Variants in MAP4 observed in about 807,000 individuals in gnomAD.
MAP4 encodes microtubule-associated protein 4.
Under a neutral mutation model 170.2 loss-of-function variants are expected in MAP4, and 76 were observed. The ratio of observed to expected loss-of-function variants is 0.45; its 90% CI spans 0.37 to 0.54. The LOEUF is 0.54. Among genes scored for constraint, MAP4 ranks in the 20% least tolerant of loss-of-function variants. The probability of loss-of-function intolerance (pLI) is 0.00; values close to 1 mark genes in which losing one functional copy is unlikely to be tolerated. For synonymous variants in MAP4, 909 were observed against 994.5 expected, an observed-to-expected ratio of 0.91 and a Z score of 1.62; for missense variants, 2,506 against 2,748.0, an observed-to-expected ratio of 0.91 and a Z score of 1.97.
At chr3:47,923,371 A>G (rs1191145438) in intron 4 of MAP4, among the ~76,000 whole-genome samples, 1 of 151,314 alleles carries the variant, frequency 6.6e-6, no homozygotes, top group African/African-American at 2.4e-5. Flanking sequence ...TGCATCGGGA[A>G]GTGTGAACAA....
intron 1 of MAP4, among the ~76,000 whole-genome samples, chr3:48,076,723 AAAAC>A (rs762009488): frequency 6.6e-5 from 10 of 152,174 alleles, no homozygotes; most frequent in Non-Finnish European, 1.0e-4. Context: ...ACGAATGAAA[AAAAC>A]AAACAAAAGA....
At chr3:47,875,240 T>C (rs1399539689) in intron 12 of MAP4, among the ~76,000 whole-genome samples, 3 of 152,104 alleles carry the variant, frequency 2.0e-5, no homozygotes, top group Admixed American at 6.5e-5. Flanking sequence ...AGAATTACAT[T>C]TGATGTGGGA....
At chr3:48,005,165 G>C (rs1450101843) in intron 1 of MAP4, among the ~76,000 whole-genome samples, 1 of 152,128 alleles carries the variant, frequency 6.6e-6, no homozygotes, top group African/African-American at 2.4e-5. Flanking sequence ...TTCAAGACCA[G>C]TCTGGCCAAC....
chr3:47,930,183 C>A (rs963098908), intron 3 of MAP4, among the ~76,000 whole-genome samples: 1 of 151,146 alleles, frequency 6.6e-6, no homozygotes, highest in Non-Finnish European at 1.5e-5. Flanking sequence ...CGGTGGCTCA[C>A]GCCTGTAATC....
At chr3:47,897,536 C>T (rs2100027566) in intron 10 of MAP4, among the ~76,000 whole-genome samples, 1 of 152,112 alleles carries the variant, frequency 6.6e-6, no homozygotes, top group African/African-American at 2.4e-5. Context: ...AGTATGCATA[C>T]ACATGTGTGT....
intron 10 of MAP4, among the ~76,000 whole-genome samples, chr3:47,887,690 G>T (rs2097845267): frequency 6.6e-6 from 1 of 152,242 alleles, no homozygotes; most frequent in African/African-American, 2.4e-5. Flanking sequence ...GTGGGGACGT[G>T]GAGAGTCTTT....
chr3:47,916,923 G>A lies in MAP4; in HGVS notation c.904C>T (p.Leu302=), dbSNP rs775761236. Residue 302 remains leucine, a synonymous_variant, in exon 7 of 21, where the codon CTA becomes TTA. Coordinates refer to ENST00000683076, the MANE Select transcript of MAP4 (RefSeq NM_001385682.1). ...MQPSMESDMA[L]VKDMELPTEK... ...GTGGGTAGTTCCATGTCCTTGACTA[G>A]GGCCATATCTGATTCCATGGATGGC... The A allele has an allele frequency of 6.2e-7, 1 of 1,614,200 alleles. No homozygotes were observed. The highest frequency in any genetic ancestry group is 8.5e-7 in the Non-Finnish European group (1 of 1,180,040).
At chr3:48,033,951 C>T (rs1259973789) in intron 1 of MAP4, among the ~76,000 whole-genome samples, 2 of 152,164 alleles carry the variant, frequency 1.3e-5, no homozygotes, top group Non-Finnish European at 2.9e-5. Context: ...ATGAGCTACT[C>T]AATTTTCAGT....
intron 1 of MAP4, among the ~76,000 whole-genome samples, chr3:48,022,373 C>G (rs2100110992): frequency 6.6e-6 from 1 of 152,006 alleles, no homozygotes; most frequent in Admixed American, 6.6e-5. Context: ...TTGAATACAG[C>G]CTCGGCAAGG....
chr3:47,897,949 G>C (rs1328018255), intron 10 of MAP4, among the ~76,000 whole-genome samples: 1 of 144,168 alleles, frequency 6.9e-6, no homozygotes, highest in Admixed American at 6.7e-5. Context: ...ATCGGGGGGG[G>C]GAAAAAAAAA....
chr3:48,056,874 A>T (rs1338650352), intron 1 of MAP4, among the ~76,000 whole-genome samples: 15 of 64,506 alleles, frequency 2.3e-4, no homozygotes, highest in African/African-American at 1.0e-3. Flanking sequence ...CCGGCCAGCC[A>T]CCCCGTCCGG....
chr3:47,942,241 T>C (rs1011403084), intron 3 of MAP4, among the ~76,000 whole-genome samples: 1 of 152,150 alleles, frequency 6.6e-6, no homozygotes, highest in African/African-American at 2.4e-5. Context: ...AACTTAATCA[T>C]AAAGACGTTA....
chr3:48,025,942 T>TAATAAC (rs1553727368), intron 1 of MAP4, among the ~76,000 whole-genome samples: 4 of 144,458 alleles, frequency 2.8e-5, no homozygotes, highest in African/African-American at 1.0e-4. Flanking sequence ...ATAATAACAA[T>TAATAAC]AATAATAATA....
At chr3:48,070,282 G>A (rs753735261) in intron 1 of MAP4, among the ~76,000 whole-genome samples, 1 of 151,310 alleles carries the variant, frequency 6.6e-6, no homozygotes, top group African/African-American at 2.4e-5. Flanking sequence ...TCCCACCTCA[G>A]CCTCCCAAAG....
chr3:47,999,702 G>A (rs1480497646), intron 1 of MAP4, among the ~76,000 whole-genome samples: 1 of 152,150 alleles, frequency 6.6e-6, no homozygotes, highest in Non-Finnish European at 1.5e-5. Flanking sequence ...CTGGAGGGTG[G>A]AGGGTGGGAG....
chr3:47,900,343 C>T (rs1280397302), intron 10 of MAP4, among the ~76,000 whole-genome samples: 3 of 151,978 alleles, frequency 2.0e-5, no homozygotes, highest in Non-Finnish European at 4.4e-5. Context: ...TCATGATTCT[C>T]CCTGATTAAA....
At chr3:47,970,039 A>G (rs531352744) in intron 3 of MAP4, among the ~76,000 whole-genome samples, 2 of 152,302 alleles carry the variant, frequency 1.3e-5, no homozygotes, top group East Asian at 3.9e-4. Flanking sequence ...CAGTAGTCAT[A>G]CTTCACTGTA....
intron 1 of MAP4, among the ~76,000 whole-genome samples, chr3:48,059,982 A>AC (rs2100134358): frequency 6.6e-6 from 1 of 151,958 alleles, no homozygotes; most frequent in South Asian, 2.1e-4. Context: ...CAAAAAAAAA[A>AC]AAAAACTTTT....
At chr3:47,973,743 T>C in intron 3 of MAP4, 1 of 985,416 alleles carries the variant, frequency 1.0e-6, no homozygotes, top group Non-Finnish European at 1.2e-6. Context: ...ATGTCAAACA[T>C]GATTTTTAAA....
Sources: allele counts gnomAD v4.1 joint callset (sites outside exome capture counted in the v4.1 genomes callset), GRCh38; gene constraint gnomAD v4.1.1; transcripts MANE v1.5; gene names NCBI Gene and HGNC (gene_info 2026-07-23, HGNC 2026-07-21).